RAB28: variants seen among roughly 807,000 people sequenced by gnomAD.
RAB28 encodes the protein RAB28, member RAS oncogene family, also known as ras-related protein Rab-28.
In RAB28, 24 loss-of-function variants were observed where a neutral mutation model predicts 31.7. The ratio of observed to expected loss-of-function variants is 0.76; its 90% CI spans 0.55 to 1.06. RAB28 has a LOEUF of 1.06. Ranked by LOEUF, RAB28 falls within the 50% of genes least tolerant of loss-of-function variation. The pLI is 0.00. For synonymous variants in RAB28, 100 were observed against 90.4 expected (o/e 1.11, Z -0.60); for missense variants, 254 against 258.5 (o/e 0.98, Z 0.12).
intron 4 of RAB28, among the ~76,000 whole-genome samples, chr4:13,412,359 T>G (rs963190581): frequency 1.8e-4 from 28 of 151,446 alleles, no homozygotes; most frequent in African/African-American, 6.6e-4. Context: ...GAGCTGGGGG[T>G]GGGAGGAGAA....
intron 3 of RAB28, among the ~76,000 whole-genome samples, chr4:13,466,717 G>C (rs1403034199): frequency 2.0e-5 from 3 of 151,904 alleles, no homozygotes; most frequent in Non-Finnish European, 4.4e-5. Context: ...GTTTGTCAAA[G>C]AGGTTTTTGC....
chr4:13,378,544 T>C (rs1729008700), intron 5 of RAB28, among the ~76,000 whole-genome samples: 1 of 151,652 alleles, frequency 6.6e-6, no homozygotes, highest in South Asian at 2.1e-4. Flanking sequence ...GCATCAAGAG[T>C]TTTCTTGTTT....
At chr4:13,417,497 C>G (rs1416595050) in intron 4 of RAB28, among the ~76,000 whole-genome samples, 1 of 152,200 alleles carries the variant, frequency 6.6e-6, no homozygotes, top group Non-Finnish European at 1.5e-5. Context: ...TAGGGGCCAA[C>G]CGACACCTCG....
chr4:13,448,264 TTGATAC>T (rs1299342402), intron 4 of RAB28, among the ~76,000 whole-genome samples: 1 of 152,134 alleles, frequency 6.6e-6, no homozygotes, highest in Non-Finnish European at 1.5e-5. Flanking sequence ...TGTTCTTTAT[TTGATAC>T]TAACATTTAA....
rs1712508995 is a variant in RAB28, at chr4:13,412,657, CTT to C, written c.392-31065_392-31064del. ...ATAATAATACAGGAATCAGCACAGA[CTT>C]TATACAAAGGCACAACAAGAAAACA... On this transcript the variant is annotated intron_variant, in intron 4 of 6. Transcript: ENST00000330852. Among the ~76,000 whole-genome samples the C allele has an allele frequency of 5.3e-5, 8 of 151,992 alleles. No individual in the cohort carries two copies. The South Asian group carries it at 1.7e-3, about 32-fold the overall frequency.
chr4:13,421,581 G>C (rs547273023), intron 4 of RAB28, among the ~76,000 whole-genome samples: 1 of 152,146 alleles, frequency 6.6e-6, no homozygotes, highest in Admixed American at 6.5e-5. Flanking sequence ...CAGAACAGAG[G>C]CCTCAGAAAC....
At chr4:13,371,890 G>A (rs753342070) in intron 6 of RAB28, 10 of 1,506,944 alleles carry the variant, frequency 6.6e-6, no homozygotes. Context: ...GAGTTATATG[G>A]GTGAATACAA....
At chr4:13,409,725 T>A (rs1395391675) in intron 4 of RAB28, among the ~76,000 whole-genome samples, 3 of 152,202 alleles carry the variant, frequency 2.0e-5, no homozygotes, top group African/African-American at 7.2e-5. Flanking sequence ...TTCCTCCTTA[T>A]AAATCATGCA....
intron 4 of RAB28, among the ~76,000 whole-genome samples, chr4:13,438,633 T>C (rs1714257652): frequency 6.6e-6 from 1 of 152,184 alleles, no homozygotes; most frequent in African/African-American, 2.4e-5. Flanking sequence ...GGCTGAATAA[T>C]ATTACTTTTT....
chr4:13,371,244 C>G, intron 6 of RAB28: 1 of 985,382 alleles, frequency 1.0e-6, no homozygotes, highest in South Asian at 4.7e-5. Flanking sequence ...ACTAGGCACT[C>G]TGCCTGATGC....
chr4:13,481,292 A>T (rs1026108609), intron 1 of RAB28, among the ~76,000 whole-genome samples: 21 of 152,028 alleles, frequency 1.4e-4, no homozygotes, highest in Non-Finnish European at 2.1e-4. Context: ...GAACATACAG[A>T]GTATTAAAGT....
intron 4 of RAB28, among the ~76,000 whole-genome samples, chr4:13,412,124 A>T (rs1012294520): frequency 6.6e-6 from 1 of 152,206 alleles, no homozygotes; most frequent in African/African-American, 2.4e-5. Flanking sequence ...AATTCAGTCA[A>T]GGTAAACAAA....
chr4:13,408,812 C>T (rs1712255253), intron 4 of RAB28, among the ~76,000 whole-genome samples: 1 of 151,946 alleles, frequency 6.6e-6, no homozygotes, highest in Admixed American at 6.6e-5. Flanking sequence ...AAAGGCATTA[C>T]AAAATAATTA....
chr4:13,388,343 T>A (rs745597569), intron 4 of RAB28, among the ~76,000 whole-genome samples: 5 of 152,018 alleles, frequency 3.3e-5, no homozygotes, highest in Non-Finnish European at 7.4e-5. Flanking sequence ...TGGACCTTTA[T>A]CTTACACCAC....
chr4:13,375,971 A>G (rs1053711218), intron 6 of RAB28, among the ~76,000 whole-genome samples: 3 of 152,160 alleles, frequency 2.0e-5, no homozygotes, highest in African/African-American at 7.2e-5. Context: ...CCACTTCTGA[A>G]GCATAACTTT....
chr4:13,477,260 T>C (rs1215615854), intron 2 of RAB28, among the ~76,000 whole-genome samples: 4 of 151,436 alleles, frequency 2.6e-5, no homozygotes, highest in African/African-American at 7.3e-5. Flanking sequence ...CTAAAATGGA[T>C]GAGTATTTGC....
At chr4:13,477,170 A>G (rs1716397901) in intron 2 of RAB28, among the ~76,000 whole-genome samples, 1 of 151,638 alleles carries the variant, frequency 6.6e-6, no homozygotes, top group South Asian at 2.1e-4. Flanking sequence ...ATCTCTGACT[A>G]ACAGATACAC....
intron 4 of RAB28, among the ~76,000 whole-genome samples, chr4:13,406,859 G>T (rs1261133225): frequency 1.3e-5 from 2 of 151,974 alleles, no homozygotes; most frequent in African/African-American, 2.4e-5. Context: ...TTTTTTTCTT[G>T]TAAATTTGTT....
At chr4:13,396,579 A>G (rs1729881962) in intron 4 of RAB28, among the ~76,000 whole-genome samples, 1 of 152,102 alleles carries the variant, frequency 6.6e-6, no homozygotes, top group Non-Finnish European at 1.5e-5. Context: ...TCTTATAAAT[A>G]TAACTGCCTG....
Sources: allele counts gnomAD v4.1 joint callset (sites outside exome capture counted in the v4.1 genomes callset), GRCh38; gene constraint gnomAD v4.1.1; transcripts MANE v1.5; gene names NCBI Gene and HGNC (gene_info 2026-07-23, HGNC 2026-07-21).